Variants in CADM2 observed in about 807,000 individuals in gnomAD.
The protein encoded by CADM2 is immunoglobulin superfamily member 4D.
In CADM2, 12 loss-of-function variants were observed where a neutral mutation model predicts 49.8. The ratio of observed to expected loss-of-function variants is 0.24; its 90% confidence interval spans 0.15 to 0.39. CADM2 has a LOEUF of 0.39. Among genes scored for constraint, CADM2 ranks in the 10% least tolerant of loss-of-function variants. The pLI, the probability that CADM2 is intolerant of heterozygous loss-of-function variation, is 1.00. For missense variants in CADM2, 378 were observed against 492.3 expected (o/e 0.77, Z 2.20); for synonymous variants, 214 against 175.4 (o/e 1.22, Z -1.74).
chr3:85,732,407 G>A (rs530040574), intron 2 of CADM2, among the ~76,000 whole-genome samples: 2 of 152,208 alleles, frequency 1.3e-5, no homozygotes, highest in Non-Finnish European at 2.9e-5. Flanking sequence ...TGTCAGGGGC[G>A]TTAGACATAT....
At chr3:85,778,508 A>G (rs1459442703) in intron 2 of CADM2, among the ~76,000 whole-genome samples, 1 of 152,062 alleles carries the variant, frequency 6.6e-6, no homozygotes, top group African/African-American at 2.4e-5. Flanking sequence ...TGATGGATTT[A>G]TAAACATTTG....
At chr3:85,847,771 C>A (rs541487608) in intron 3 of CADM2, among the ~76,000 whole-genome samples, 1 of 152,062 alleles carries the variant, frequency 6.6e-6, no homozygotes, top group African/African-American at 2.4e-5. Flanking sequence ...AATGGATAAG[C>A]AATTATATTT....
chr3:85,002,863 A>G (rs2033534683), intron 1 of CADM2, among the ~76,000 whole-genome samples: 1 of 152,026 alleles, frequency 6.6e-6, no homozygotes, highest in African/African-American at 2.4e-5. Flanking sequence ...ACAGCTCACT[A>G]TAGCCTTGAA....
At chr3:85,677,282 A>AAATGAAGC (rs2065912140) in intron 1 of CADM2, among the ~76,000 whole-genome samples, 2 of 152,152 alleles carry the variant, frequency 1.3e-5, no homozygotes, top group African/African-American at 4.8e-5. Context: ...TTTTAGCTTC[A>AAATGAAGC]TTTAAAACAA....
At chr3:85,551,220 G>C (rs1354993598) in intron 1 of CADM2, among the ~76,000 whole-genome samples, 3 of 152,054 alleles carry the variant, frequency 2.0e-5, no homozygotes, top group Admixed American at 6.6e-5. Flanking sequence ...GGGCTCAAGG[G>C]ATCCTCCAAC....
intron 1 of CADM2, among the ~76,000 whole-genome samples, chr3:85,439,225 C>A (rs1035316075): frequency 6.7e-6 from 1 of 149,296 alleles, no homozygotes; most frequent in Non-Finnish European, 1.5e-5. Context: ...GCAATTTGAA[C>A]TCACCGCAAC....
At chr3:85,056,778 A>T (rs1331789482) in intron 1 of CADM2, among the ~76,000 whole-genome samples, 1 of 152,116 alleles carries the variant, frequency 6.6e-6, no homozygotes, top group Admixed American at 6.6e-5. Flanking sequence ...TGAAAATAAC[A>T]CAATAGTCAT....
intron 1 of CADM2, among the ~76,000 whole-genome samples, chr3:85,381,142 A>G (rs2033881269): frequency 6.6e-6 from 1 of 152,046 alleles, no homozygotes; most frequent in South Asian, 2.1e-4. Flanking sequence ...TGTGTATTGC[A>G]TATATAGAGA....
chr3:85,342,522 G>A (rs9811546), intron 1 of CADM2, among the ~76,000 whole-genome samples: 39,895 of 151,922 alleles, frequency 0.26, 5,796 homozygotes, highest in Non-Finnish European at 0.33. Context: ...AATGTTATGT[G>A]GCAGAGGGCT....
intron 1 of CADM2, among the ~76,000 whole-genome samples, chr3:84,969,414 G>A (rs2031250990): frequency 6.6e-6 from 1 of 151,740 alleles, no homozygotes; most frequent in South Asian, 2.1e-4. Flanking sequence ...TTTCATGAGA[G>A]AACTGAGCAT....
At chr3:85,394,325 A>T (rs2034665523) in intron 1 of CADM2, among the ~76,000 whole-genome samples, 2 of 152,152 alleles carry the variant, frequency 1.3e-5, no homozygotes, top group African/African-American at 4.8e-5. Context: ...AAAATGAACA[A>T]TTCCAAACCA....
In CADM2 at chr3:85,812,087, T is replaced by A. The variant is rs969554300; in HGVS notation, c.238+9891T>A. ...TGAGAATACTAAAATAAATAAAATA[T>A]GGATTTTGGCATCAAGTGTCAAGTT... On this transcript the variant is annotated intron_variant, in intron 3 of 9. Transcript: ENST00000383699. Among the ~76,000 whole-genome samples, 3 of 152,194 alleles carry A rather than the reference T, an allele frequency of 2.0e-5. 1 individual carries two copies. The East Asian group carries it at 5.8e-4, about 29-fold the overall frequency.
chr3:85,945,568 A>C lies in CADM2; in HGVS notation c.791+9711A>C, dbSNP rs933052955. Among the ~76,000 whole-genome samples, 18 of 152,246 alleles carry C rather than the reference A, an allele frequency of 1.2e-4. No individual in the cohort carries two copies. In the Middle Eastern group the frequency reaches 0.01, roughly 86 times the overall value. On this transcript the variant is annotated intron_variant, in intron 7 of 9. Transcript: ENST00000383699. ...AACCAAATCCAGCAGCACAACAAAA[A>C]GCTTATCTACCATGATCAAGTGGGC...
At chr3:85,700,714 T>C (rs937120108) in intron 1 of CADM2, among the ~76,000 whole-genome samples, 4 of 152,188 alleles carry the variant, frequency 2.6e-5, no homozygotes, top group African/African-American at 9.7e-5. Flanking sequence ...TGACATTTAC[T>C]CCAGTTCCAA....
At chr3:85,074,067 G>A (rs188984772) in intron 1 of CADM2, among the ~76,000 whole-genome samples, 6 of 152,152 alleles carry the variant, frequency 3.9e-5, no homozygotes, top group African/African-American at 1.4e-4. Context: ...GGCATTGTAA[G>A]TTCATGTGAC....
rs1018010499 is a variant in CADM2, at chr3:85,729,474, A to G, written c.88+2926A>G. ...AGTCGAGTTGCTTCTCAGAAAACTT[A>G]TAACTGGGAAAGGGCTAGAGAGAGA... is the stretch of plus-strand genomic sequence containing the variant. On this transcript the variant is annotated intron_variant, in intron 2 of 9. Transcript: ENST00000383699. Among the ~76,000 whole-genome samples the G allele has an allele frequency of 4.0e-5, 5 of 125,308 alleles. No homozygotes were observed. The Admixed American group carries it at 4.2e-4, about 10-fold the overall frequency. 82.2% of individuals were successfully genotyped at this position (125,308 alleles called of 152,430 possible). A position where few individuals can be genotyped will look rare whatever the true frequency, so the allele number is the denominator to read the frequency against.
At chr3:85,726,482 A>G (rs1309091759) in intron 1 of CADM2, 40 bp from the exon 2 acceptor site, 1 of 1,609,124 alleles carries the variant, frequency 6.2e-7, no homozygotes, top group Non-Finnish European at 8.5e-7. Context: ...AATATCTAAT[A>G]TGTTTGTTCT....
intron 1 of CADM2, among the ~76,000 whole-genome samples, chr3:85,617,751 T>TA (rs920514374): frequency 9.2e-5 from 14 of 152,072 alleles, no homozygotes; most frequent in African/African-American, 3.4e-4. Context: ...GTCATTAGGA[T>TA]AAAAAAAGTC....
intron 1 of CADM2, among the ~76,000 whole-genome samples, chr3:85,496,111 G>A (rs1218402135): frequency 6.6e-6 from 1 of 152,096 alleles, no homozygotes; most frequent in African/African-American, 2.4e-5. Flanking sequence ...GATGTATTGC[G>A]TTGTGCTGAG....
Sources: gnomAD v4.1 joint callset for allele counts (sites outside exome capture counted in the v4.1 genomes callset) on GRCh38, gnomAD v4.1.1 for gene constraint, MANE v1.5 for transcripts, NCBI Gene and HGNC (gene_info 2026-07-23, HGNC 2026-07-21) for gene names.